VNN1: variants seen among roughly 807,000 people sequenced by gnomAD.
VNN1 encodes the protein pantetheinase.
VNN1 carries 29 observed loss-of-function variants against 41.9 expected under a neutral mutation model. That is an observed-to-expected ratio of 0.69 (90% CI 0.52 to 0.94). The LOEUF is 0.94. Among genes scored for constraint, VNN1 ranks in the 40% least tolerant of loss-of-function variants. The probability of loss-of-function intolerance (pLI) is 0.00; values close to 1 mark genes in which losing one functional copy is unlikely to be tolerated. For synonymous variants in VNN1, 233 were observed against 224.4 expected (o/e 1.04, Z -0.34); for missense variants, 637 against 621.1 (o/e 1.03, Z -0.27).
intron 5 of VNN1, among the ~76,000 whole-genome samples, chr6:132,686,099 T>C (rs548833905): frequency 1.2e-4 from 18 of 152,152 alleles, no homozygotes; most frequent in Non-Finnish European, 2.5e-4. Flanking sequence ...AATAATTTTT[T>C]AGTATAAGTA....
chr6:132,709,184 T>C (rs770680803), intron 2 of VNN1, among the ~76,000 whole-genome samples: 1 of 149,166 alleles, frequency 6.7e-6, no homozygotes, highest in Non-Finnish European at 1.5e-5. Context: ...TATATAAAGA[T>C]AGGTAGATAG....
At chr6:132,686,834 G>A (rs1287225104) in intron 5 of VNN1, among the ~76,000 whole-genome samples, 1 of 152,092 alleles carries the variant, frequency 6.6e-6, no homozygotes, top group Non-Finnish European at 1.5e-5. Context: ...TAGCCTCAGA[G>A]AGAGAAGAAA....
intron 2 of VNN1, among the ~76,000 whole-genome samples, chr6:132,707,023 T>G (rs975846267): frequency 7.3e-5 from 11 of 151,614 alleles, no homozygotes; most frequent in Non-Finnish European, 1.6e-4. Context: ...GGTCAGGAGT[T>G]TGAGATCAGC....
intron 5 of VNN1, among the ~76,000 whole-genome samples, chr6:132,687,758 T>A (rs1376599024): frequency 1.3e-5 from 2 of 152,036 alleles, no homozygotes; most frequent in South Asian, 4.1e-4. Flanking sequence ...CTTATGAAAA[T>A]GATATTGTGG....
intron 5 of VNN1, among the ~76,000 whole-genome samples, chr6:132,686,571 C>T (rs1778212215): frequency 6.6e-6 from 1 of 152,104 alleles, no homozygotes; most frequent in South Asian, 2.1e-4. Context: ...CCTGACCATC[C>T]CAAGAGGAAG....
At chr6:132,705,951 A>G (rs1292025385) in intron 2 of VNN1, among the ~76,000 whole-genome samples, 1 of 152,224 alleles carries the variant, frequency 6.6e-6, no homozygotes, top group East Asian at 1.9e-4. Flanking sequence ...GAATTAATTT[A>G]TCCAAAGAAG....
At chr6:132,707,761 A>G (rs1251264956) in intron 2 of VNN1, among the ~76,000 whole-genome samples, 1 of 152,214 alleles carries the variant, frequency 6.6e-6, no homozygotes, top group Non-Finnish European at 1.5e-5. Context: ...AAAGATGGTT[A>G]CCAGAGGCTG....
At chr6:132,706,601 G>A (rs1778522594) in intron 2 of VNN1, among the ~76,000 whole-genome samples, 1 of 152,150 alleles carries the variant, frequency 6.6e-6, no homozygotes, top group Admixed American at 6.5e-5. Context: ...TCTGGACAAA[G>A]ATTTCTTGAG....
intron 5 of VNN1, among the ~76,000 whole-genome samples, chr6:132,685,837 A>C (rs1325458603): frequency 1.3e-5 from 2 of 152,250 alleles, no homozygotes; most frequent in Non-Finnish European, 2.9e-5. Flanking sequence ...ATAACGGAGA[A>C]TGTTTCCAGA....
At chr6:132,704,091 A>G (rs190422397) in intron 2 of VNN1, among the ~76,000 whole-genome samples, 144 of 152,248 alleles carry the variant, frequency 9.5e-4, no homozygotes, top group African/African-American at 3.4e-3. Flanking sequence ...AGAGAGATAG[A>G]TCCCAATGCA....
intron 2 of VNN1, among the ~76,000 whole-genome samples, chr6:132,706,403 G>T (rs1778519765): frequency 6.6e-6 from 1 of 152,060 alleles, no homozygotes; most frequent in African/African-American, 2.4e-5. Flanking sequence ...CATATATTGG[G>T]GAAAGGACAG....
At chr6:132,690,101 G>A (rs1778261055) in intron 5 of VNN1, among the ~76,000 whole-genome samples, 1 of 152,146 alleles carries the variant, frequency 6.6e-6, no homozygotes, top group Non-Finnish European at 1.5e-5. Flanking sequence ...TCTTGGTCCA[G>A]ACCCTTAATA....
rs373437060 is a variant in VNN1 at position 132,683,169 on chromosome 6, C to T, written c.1513G>A (p.Ala505Thr). ...QARIIMLIVI[A>T]PIVCSLSW ...CAACTTAATGAGCATACAATAGGTG[C>T]TATAACTATTAGCATTATTATTCTT... Residue 505 changes from alanine to threonine, a missense_variant, in exon 7 of 7, where the codon GCA (alanine) becomes ACA (threonine). Ala to Thr is a moderately conservative substitution (Grantham distance 58). Coordinates refer to ENST00000367928, the MANE Select transcript of VNN1 (RefSeq NM_004666.3). 3.7e-6 allele frequency: 6 copies of T among 1,613,440 alleles called. No homozygotes were observed. The highest frequency in any genetic ancestry group is 1.7e-4 in the Middle Eastern group (1 of 6,058).
intron 2 of VNN1, among the ~76,000 whole-genome samples, 153 bp from the exon 3 acceptor site, chr6:132,694,335 A>G (rs1451422572): frequency 6.6e-6 from 1 of 152,264 alleles, no homozygotes; most frequent in Non-Finnish European, 1.5e-5. Flanking sequence ...AAGACAAGAA[A>G]GGAGTTCAGA....
chr6:132,696,415 C>T (rs1778372666), intron 2 of VNN1, among the ~76,000 whole-genome samples: 1 of 152,048 alleles, frequency 6.6e-6, no homozygotes, highest in Non-Finnish European at 1.5e-5. Context: ...TGGCTGAAAA[C>T]TTCCCAAACT....
intron 1 of VNN1, 22 bp from the exon 2 acceptor site, chr6:132,711,861 C>A: frequency 1.2e-6 from 2 of 1,611,154 alleles, no homozygotes; most frequent in Non-Finnish European, 1.7e-6. Flanking sequence ...GCAACTTAAT[C>A]CAAAGGGGGG....
Position 132,681,783 on chromosome 6 carries a change from G to T in VNN1, c.*1357C>A, listed in dbSNP as rs778750607. 3.9e-5 allele frequency: 6 copies of T among 152,388 alleles called. No individual in the cohort carries two copies. Among genetic ancestry groups the T allele is most frequent in the Admixed American group, 1.3e-4 (2 of 15,252 alleles). 9.4% of individuals were successfully genotyped at this position (152,388 alleles called of 1,614,324 possible). On this transcript the variant is annotated 3_prime_UTR_variant, in exon 7 of 7. Transcript: ENST00000367928. ...AGTTAATGTCACCCAAAAGAACAAG[G>T]GATTTTACTCAAATATTTCTTGGAT... is the stretch of plus-strand genomic sequence containing the variant.
In VNN1 at chr6:132,713,951, C is replaced by G. The variant is rs372898370; in HGVS notation, c.85G>C (p.Val29Leu). 22 of 1,614,068 alleles carry G rather than the reference C, an allele frequency of 1.4e-5. No homozygotes were observed. The Admixed American group carries it at 3.3e-4, about 24-fold the overall frequency. ...ASCQDTFTAA[V>L]YEHAAILPNA... ...GGCAATATCGCTGCATGCTCATAAA[C>G]AGCTGCAGTGAAAGTGTCCTGGCAG... The change falls in exon 1 of 7, where the codon GTT (valine) becomes CTT (leucine). Residue 29 changes from valine (V) to leucine (L), a missense_variant. Transcript: ENST00000367928.
intron 2 of VNN1, among the ~76,000 whole-genome samples, chr6:132,695,024 C>A (rs148147793): frequency 4.6e-5 from 7 of 151,954 alleles, no homozygotes; most frequent in African/African-American, 1.5e-4. Flanking sequence ...TGGTGGCGTG[C>A]GCCTATAATC....
Sources: allele counts gnomAD v4.1 joint callset (sites outside exome capture counted in the v4.1 genomes callset), GRCh38; gene constraint gnomAD v4.1.1; transcripts MANE v1.5; gene names NCBI Gene and HGNC (gene_info 2026-07-23, HGNC 2026-07-21).